PPP1R12A: variants seen among roughly 807,000 people sequenced by gnomAD.
PPP1R12A encodes the protein protein phosphatase 1 regulatory subunit 12A, also known as myosin binding subunit.
PPP1R12A carries 19 observed loss-of-function variants against 139.6 expected under a neutral mutation model. The ratio of observed to expected loss-of-function variants is 0.14; its 90% CI spans 0.09 to 0.20. PPP1R12A has a LOEUF of 0.20. Among genes scored for constraint, PPP1R12A ranks in the 10% least tolerant of loss-of-function variants. The pLI is 1.00. For missense variants in PPP1R12A, 925 were observed against 1,211.5 expected (o/e 0.76, Z 3.51); for synonymous variants, 427 against 420.6 (o/e 1.02, Z -0.19).
At chr12:79,881,403 G>C (rs7310740) in intron 1 of PPP1R12A, among the ~76,000 whole-genome samples, 15,752 of 152,192 alleles carry the variant, frequency 0.1, 2,200 homozygotes, top group African/African-American at 0.32. Context: ...TGGAGAAAGT[G>C]TTAGTGACCT....
intron 3 of PPP1R12A, 151 bp from the exon 4 acceptor site, chr12:79,832,642 T>TA: frequency 1.4e-6 from 1 of 703,990 alleles, no homozygotes; most frequent in Middle Eastern, 4.1e-4. Flanking sequence ...TTGGTTAAAC[T>TA]AAAAAATGTG....
At chr12:79,846,271 A>G (rs1453447823) in intron 2 of PPP1R12A, among the ~76,000 whole-genome samples, 2 of 152,206 alleles carry the variant, frequency 1.3e-5, no homozygotes, top group African/African-American at 4.8e-5. Flanking sequence ...AGCATCCAAA[A>G]CACAATTCTA....
At chr12:79,919,127 G>A (rs915493719) in intron 1 of PPP1R12A, among the ~76,000 whole-genome samples, 2 of 151,768 alleles carry the variant, frequency 1.3e-5, no homozygotes, top group Non-Finnish European at 2.9e-5. Context: ...AAATCCTTCA[G>A]CACTTCTGTG....
intron 9 of PPP1R12A, among the ~76,000 whole-genome samples, chr12:79,816,447 T>TA (rs900474373): frequency 3.3e-5 from 5 of 151,258 alleles, no homozygotes; most frequent in African/African-American, 4.8e-5. Flanking sequence ...AGGGAAATGA[T>TA]AAAAAAAGAT....
chr12:79,861,340 A>G (rs139993275), intron 2 of PPP1R12A, among the ~76,000 whole-genome samples: 1 of 152,330 alleles, frequency 6.6e-6, no homozygotes, highest in Admixed American at 6.5e-5. Flanking sequence ...AACGGGAGTT[A>G]CTTCCAAGAT....
chr12:79,873,081 T>G (rs1243503331), intron 1 of PPP1R12A, 143 bp from the exon 2 acceptor site: 2 of 948,912 alleles, frequency 2.1e-6, no homozygotes, highest in Non-Finnish European at 3.0e-6. Flanking sequence ...TTGACTATAC[T>G]CCATCAAACA....
chr12:79,925,253 T>G (rs1330148816), intron 1 of PPP1R12A, among the ~76,000 whole-genome samples: 1 of 151,818 alleles, frequency 6.6e-6, no homozygotes, highest in Non-Finnish European at 1.5e-5. Context: ...GTTGAGTGCA[T>G]ACGTGTACGT....
chr12:79,915,772 T>C (rs562726600), intron 1 of PPP1R12A, among the ~76,000 whole-genome samples: 3 of 152,278 alleles, frequency 2.0e-5, no homozygotes, highest in Admixed American at 1.3e-4. Flanking sequence ...AGGACCACTA[T>C]GTTAGTCTTC....
chr12:79,857,433 G>C (rs912974117), intron 2 of PPP1R12A, among the ~76,000 whole-genome samples: 9 of 151,528 alleles, frequency 5.9e-5, no homozygotes, highest in African/African-American at 1.9e-4. Flanking sequence ...GGACTGTTGT[G>C]GGGTGGGGGG....
At chr12:79,842,603 G>A (rs1473933894) in intron 3 of PPP1R12A, among the ~76,000 whole-genome samples, 1 of 151,952 alleles carries the variant, frequency 6.6e-6, no homozygotes, top group African/African-American at 2.4e-5. Context: ...GTGTGTGTGT[G>A]TGTGTGTGTG....
At position 79,806,276 on chromosome 12, in the gene PPP1R12A, T is replaced by C. The variant is rs993088248; in HGVS notation, c.1713A>G (p.Thr571=). The C allele has an allele frequency of 4.3e-6, 7 of 1,613,866 alleles. No individual in the cohort carries two copies. The highest frequency in any genetic ancestry group is 4.0e-5 in the African/African-American group (3 of 74,940). Residue 571 remains threonine (T), a synonymous_variant, in exon 13 of 25, where the codon ACA becomes ACG. Coordinates refer to ENST00000450142, the MANE Select transcript of PPP1R12A (RefSeq NM_002480.3). The stretch of plus-strand genomic sequence containing the variant: ...CTGCAGAGGTAACTGTTGGTGTTGA[T>C]GTGGTGCTTGGAACACTAGAACTAA... The part of the protein sequence containing the change: ...DLISSSVPST[T]STPTVTSAAG...
At chr12:79,927,767 T>G (rs1214567541) in intron 1 of PPP1R12A, among the ~76,000 whole-genome samples, 1 of 152,224 alleles carries the variant, frequency 6.6e-6, no homozygotes, top group African/African-American at 2.4e-5. Context: ...TGCTCCTCAA[T>G]AAAACACTGA....
At chr12:79,898,908 T>C (rs4545622) in intron 1 of PPP1R12A, among the ~76,000 whole-genome samples, 15,719 of 152,196 alleles carry the variant, frequency 0.1, 2,211 homozygotes, top group African/African-American at 0.32. Flanking sequence ...CTACCTTCCA[T>C]ATATACTATT....
intron 1 of PPP1R12A, among the ~76,000 whole-genome samples, chr12:79,924,198 T>C (rs1887658590): frequency 6.6e-6 from 1 of 152,152 alleles, no homozygotes; most frequent in Non-Finnish European, 1.5e-5. Context: ...ATTTTAACTG[T>C]AAAAAATGAT....
Position 79,797,335 on chromosome 12 carries a change from G to T in PPP1R12A, c.2152C>A (p.Arg718=). The T allele has an allele frequency of 6.2e-7, 1 of 1,601,238 alleles. No individual in the cohort carries two copies. Among genetic ancestry groups the T allele is most frequent in the Non-Finnish European group, 8.5e-7 (1 of 1,173,718 alleles). Residue 718 remains arginine (R), a synonymous_variant, in exon 16 of 25, where the codon CGA becomes AGA. Coordinates refer to ENST00000450142, the MANE Select transcript of PPP1R12A (RefSeq NM_002480.3). ...EKTIGRSRST[R]TREQENEEKE... ...TCTTCATTTTCTTGTTCTCTGGTTC[G>T]GGTAGAACGACTTCTTCCTATTGTT...
intron 1 of PPP1R12A, among the ~76,000 whole-genome samples, chr12:79,893,257 C>T (rs2698279): frequency 0.94 from 142,842 of 152,238 alleles, 67,316 homozygotes; most frequent in African/African-American, 0.99. Context: ...CCTTTATTTC[C>T]AATGTCTTCT....
chr12:79,854,330 T>C lies in PPP1R12A; in HGVS notation c.369-8910A>G, dbSNP rs368094561. Reference sequence around the variant, plus strand: ...TACAACAATGGCACCTTAGATCTGATGAAATCCAGTATGTGCATTATAAAT... The same window carrying C: ...TACAACAATGGCACCTTAGATCTGACGAAATCCAGTATGTGCATTATAAAT... On this transcript the variant is annotated intron_variant, in intron 2 of 24. Transcript: ENST00000450142. Among the ~76,000 whole-genome samples the C allele has an allele frequency of 2.8e-4, 42 of 152,348 alleles. No individual in the cohort carries two copies. In the South Asian group the frequency reaches 8.7e-3, roughly 32 times the overall value.
chr12:79,898,518 G>A (rs867755635), intron 1 of PPP1R12A, among the ~76,000 whole-genome samples: 1 of 152,008 alleles, frequency 6.6e-6, no homozygotes, highest in African/African-American at 2.4e-5. Flanking sequence ...AATGGTCAAC[G>A]GCTATTATCT....
At chr12:79,790,613 G>T in intron 19 of PPP1R12A, 130 bp from the exon 20 acceptor site, 2 of 575,562 alleles carry the variant, frequency 3.5e-6, no homozygotes. Context: ...GGTTCTTTAT[G>T]CATAACAGTA....
Sources: allele counts gnomAD v4.1 joint callset (sites outside exome capture counted in the v4.1 genomes callset), GRCh38; gene constraint gnomAD v4.1.1; transcripts MANE v1.5; gene names NCBI Gene and HGNC (gene_info 2026-07-23, HGNC 2026-07-21).